DGKI: variants seen among roughly 807,000 people sequenced by gnomAD.
DGKI encodes the protein diacylglycerol kinase iota.
DGKI carries 55 observed loss-of-function variants against 147.5 expected under a neutral mutation model. The ratio of observed to expected loss-of-function variants is 0.37; its 90% CI spans 0.30 to 0.47. DGKI has a LOEUF of 0.47. Ranked by LOEUF, DGKI falls within the 20% of genes least tolerant of loss-of-function variation. The probability of loss-of-function intolerance (pLI) is 1.00; values close to 1 mark genes in which losing one functional copy is unlikely to be tolerated. For synonymous variants in DGKI, 469 were observed against 477.1 expected, an observed-to-expected ratio of 0.98 and a Z score of 0.22; for missense variants, 1,007 against 1,323.8, an observed-to-expected ratio of 0.76 and a Z score of 3.71.
At chr7:137,607,436 A>G (rs1189567982) in intron 10 of DGKI, among the ~76,000 whole-genome samples, 1 of 152,208 alleles carries the variant, frequency 6.6e-6, no homozygotes, top group Non-Finnish European at 1.5e-5. Context: ...AGTCCCCGTC[A>G]TTAATAATTT....
chr7:137,629,788 T>C (rs1248282764), intron 6 of DGKI, among the ~76,000 whole-genome samples: 1 of 152,188 alleles, frequency 6.6e-6, no homozygotes, highest in Non-Finnish European at 1.5e-5. Context: ...TTTCTGCTGA[T>C]ATGTGTACCC....
At chr7:137,664,155 T>G (rs973908042) in intron 3 of DGKI, among the ~76,000 whole-genome samples, 1 of 151,752 alleles carries the variant, frequency 6.6e-6, no homozygotes, top group African/African-American at 2.4e-5. Flanking sequence ...GGCAGGAAGA[T>G]TACATGAGGC....
At chr7:137,505,319 T>C (rs941654134) in intron 21 of DGKI, among the ~76,000 whole-genome samples, 3 of 152,138 alleles carry the variant, frequency 2.0e-5, no homozygotes, top group African/African-American at 4.8e-5. Context: ...AGAACGTGCA[T>C]TGAGAAGCTC....
chr7:137,579,304 T>C (rs1207495898), intron 15 of DGKI, among the ~76,000 whole-genome samples: 5 of 152,190 alleles, frequency 3.3e-5, no homozygotes, highest in Non-Finnish European at 4.4e-5. Context: ...CACTATCTAC[T>C]GACAAAATAA....
intron 21 of DGKI, among the ~76,000 whole-genome samples, chr7:137,517,471 A>C (rs1298061259): frequency 6.6e-6 from 1 of 152,072 alleles, no homozygotes; most frequent in Non-Finnish European, 1.5e-5. Context: ...AGATCAGAAG[A>C]GACTAGGGAG....
chr7:137,552,372 T>C lies in DGKI; in HGVS notation c.2144A>G (p.Asn715Ser), dbSNP rs1335316902. The change falls in exon 20 of 33, where the codon AAT (asparagine) becomes AGT (serine). Residue 715 changes from asparagine (N) to serine (S), a missense_variant. By Grantham distance (46) the Asn-to-Ser change is conservative. Transcript: ENST00000614521. ...GGTAGGCCATGAGCAGACTCACTCATTGAGTAAAGGCATGGATGTTCTCCT... is the reference window on the plus strand; with the variant it reads ...GGTAGGCCATGAGCAGACTCACTCACTGAGTAAAGGCATGGATGTTCTCCT... Reference protein sequence around the residue: ...SKRRTSMPLLNDPQSVPDRLR... With the variant: ...SKRRTSMPLLSDPQSVPDRLR... The C allele has an allele frequency of 1.9e-6, 3 of 1,612,732 alleles. No homozygotes were observed. Among genetic ancestry groups the C allele is most frequent in the African/African-American group, 1.3e-5 (1 of 74,870 alleles).
chr7:137,654,289 C>T (rs1386039977), intron 5 of DGKI, among the ~76,000 whole-genome samples: 1 of 152,126 alleles, frequency 6.6e-6, no homozygotes, highest in South Asian at 2.1e-4. Context: ...GAAAGCAGAC[C>T]GTCTGACTCC....
At chr7:137,417,848 T>C (rs958161136) in intron 28 of DGKI, among the ~76,000 whole-genome samples, 7 of 152,220 alleles carry the variant, frequency 4.6e-5, no homozygotes, top group Non-Finnish European at 5.9e-5. Context: ...TTTCCCATTA[T>C]GTGAGGATGC....
At chr7:137,403,635 G>A (rs889693645) in intron 30 of DGKI, among the ~76,000 whole-genome samples, 4 of 152,168 alleles carry the variant, frequency 2.6e-5, no homozygotes, top group Non-Finnish European at 2.9e-5. Flanking sequence ...AAGAGCCTGT[G>A]AATCCTTCAG....
intron 20 of DGKI, among the ~76,000 whole-genome samples, chr7:137,526,192 A>G (rs1817138575): frequency 6.6e-6 from 1 of 152,112 alleles, no homozygotes; most frequent in South Asian, 2.1e-4. Context: ...CTGGGAAGTT[A>G]GTAGAGCAAA....
intron 21 of DGKI, among the ~76,000 whole-genome samples, chr7:137,488,491 T>C (rs1438275490): frequency 6.6e-6 from 1 of 152,068 alleles, no homozygotes; most frequent in East Asian, 1.9e-4. Flanking sequence ...AGTCCTGAAA[T>C]ACTGAAAAAT....
intron 1 of DGKI, among the ~76,000 whole-genome samples, chr7:137,786,197 T>C (rs1362778612): frequency 6.6e-6 from 1 of 152,138 alleles, no homozygotes; most frequent in Non-Finnish European, 1.5e-5. Flanking sequence ...TGTGTGCTGA[T>C]GATATCATTG....
chr7:137,717,717 G>C (rs2116597974), intron 1 of DGKI, among the ~76,000 whole-genome samples: 1 of 152,272 alleles, frequency 6.6e-6, no homozygotes, highest in South Asian at 2.1e-4. Context: ...TGGGGGCGGG[G>C]AAGTGAGGCA....
chr7:137,463,296 G>A (rs1055574573), intron 27 of DGKI, among the ~76,000 whole-genome samples, 193 bp downstream of exon 27: 1 of 152,142 alleles, frequency 6.6e-6, no homozygotes, highest in African/African-American at 2.4e-5. Flanking sequence ...AATGGAAGGT[G>A]GAGTTCCATG....
chr7:137,421,500 G>A (rs557081130), intron 28 of DGKI, among the ~76,000 whole-genome samples: 45 of 152,270 alleles, frequency 3.0e-4, no homozygotes, highest in South Asian at 1.2e-3. Context: ...AACAGCCTCC[G>A]TCTAGTGTTC....
intron 20 of DGKI, among the ~76,000 whole-genome samples, chr7:137,543,323 C>T (rs1817762843): frequency 6.6e-6 from 1 of 152,036 alleles, no homozygotes; most frequent in Admixed American, 6.6e-5. Flanking sequence ...TTGTTTTGTC[C>T]TATTGGATGA....
chr7:137,550,444 G>A (rs1025208561), intron 20 of DGKI, among the ~76,000 whole-genome samples: 3 of 152,098 alleles, frequency 2.0e-5, no homozygotes, highest in African/African-American at 7.2e-5. Flanking sequence ...CCAAAGTGCT[G>A]GGATTACAGG....
chr7:137,470,393 G>A (rs1316518779), intron 23 of DGKI, among the ~76,000 whole-genome samples: 5 of 152,044 alleles, frequency 3.3e-5, no homozygotes, highest in Non-Finnish European at 7.4e-5. Context: ...TCTCTCCAAA[G>A]TCAATCACTT....
chr7:137,818,564 C>T (rs962016312), intron 1 of DGKI, among the ~76,000 whole-genome samples: 8 of 152,180 alleles, frequency 5.3e-5, no homozygotes, highest in Non-Finnish European at 7.4e-5. Flanking sequence ...ACCTCAGCCT[C>T]CCAAGTAGCT....
Sources: gnomAD v4.1 joint callset for allele counts (sites outside exome capture counted in the v4.1 genomes callset) on GRCh38, gnomAD v4.1.1 for gene constraint, MANE v1.5 for transcripts, NCBI Gene and HGNC (gene_info 2026-07-23, HGNC 2026-07-21) for gene names.